TAFA1: variants seen among roughly 807,000 people sequenced by gnomAD.
The protein encoded by TAFA1 is TAFA chemokine like family member 1.
A neutral mutation model predicts 18.5 loss-of-function variants in TAFA1; 4 were observed. The observed-to-expected ratio is 0.22, with a 90% CI of 0.11 to 0.49. The LOEUF is 0.49. TAFA1 is among the 20% of genes least tolerant of loss of function. The pLI, the probability that TAFA1 is intolerant of heterozygous loss-of-function variation, is 0.98. For missense variants in TAFA1, 147 were observed against 169.0 expected (o/e 0.87, Z 0.72); for synonymous variants, 56 against 55.2 (o/e 1.01, Z -0.06).
intron 2 of TAFA1, among the ~76,000 whole-genome samples, chr3:68,340,775 G>T (rs1052403066): frequency 9.7e-4 from 148 of 152,164 alleles, no homozygotes; most frequent in African/African-American, 3.5e-3. Flanking sequence ...TGTCTTACAT[G>T]TTGGGATGGA....
At chr3:68,533,302 A>G (rs968116521) in intron 3 of TAFA1, among the ~76,000 whole-genome samples, 2 of 152,036 alleles carry the variant, frequency 1.3e-5, no homozygotes, top group Non-Finnish European at 1.5e-5. Context: ...GCTGGACAAG[A>G]AAGAATGAGA....
chr3:68,495,998 CAAAAAAAAAAAAAAAAAA>C (rs199520960), intron 3 of TAFA1, among the ~76,000 whole-genome samples: 5 of 107,538 alleles, frequency 4.6e-5, no homozygotes, highest in Non-Finnish European at 7.3e-5. Context: ...TTCCCTGAAG[CAAAAAAAAAAAAAAAAAA>C]AAAAAAAAAA....
intron 2 of TAFA1, among the ~76,000 whole-genome samples, chr3:68,370,991 C>T (rs1419070140): frequency 2.6e-5 from 4 of 151,758 alleles, no homozygotes; most frequent in Non-Finnish European, 4.4e-5. Context: ...ATTGAACTAC[C>T]GTAATAATCT....
intron 3 of TAFA1, among the ~76,000 whole-genome samples, chr3:68,524,351 A>G (rs1033976175): frequency 6.6e-6 from 1 of 152,078 alleles, no homozygotes; most frequent in African/African-American, 2.4e-5. Flanking sequence ...AAATCATATA[A>G]CCAAACCCAG....
intron 3 of TAFA1, among the ~76,000 whole-genome samples, chr3:68,468,167 T>C (rs1022462652): frequency 1.3e-5 from 2 of 152,194 alleles, no homozygotes; most frequent in East Asian, 1.9e-4. Context: ...TTTGAACTTT[T>C]TGACTATTTT....
At chr3:67,994,946 A>G in the TAFA1 span, among the ~76,000 whole-genome samples, 1 of 152,178 alleles carries the variant, frequency 6.6e-6, no homozygotes, top group Non-Finnish European at 1.5e-5. Flanking sequence ...ATAAGTGAAA[A>G]TCAGGAAGGA....
At chr3:68,292,985 A>C (rs551925901) in intron 2 of TAFA1, among the ~76,000 whole-genome samples, 1 of 152,320 alleles carries the variant, frequency 6.6e-6, no homozygotes, top group African/African-American at 2.4e-5. Context: ...ATGAATTCTC[A>C]AAAGCTACGT....
At chr3:68,177,764 G>T (rs1348975628) in intron 2 of TAFA1, among the ~76,000 whole-genome samples, 1 of 152,138 alleles carries the variant, frequency 6.6e-6, no homozygotes, top group Non-Finnish European at 1.5e-5. Context: ...TTGGGCAAAT[G>T]ACTTAATACC....
At chr3:68,475,015 A>C (rs1454964670) in intron 3 of TAFA1, among the ~76,000 whole-genome samples, 17 of 152,134 alleles carry the variant, frequency 1.1e-4, no homozygotes, top group Non-Finnish European at 2.2e-4. Flanking sequence ...CTTCTTTATC[A>C]AAGAAGCTCT....
At chr3:68,002,892 C>T (rs1704299587), upstream of TAFA1, among the ~76,000 whole-genome samples, 1 of 152,152 alleles carries the variant, frequency 6.6e-6, no homozygotes, top group South Asian at 2.1e-4. Flanking sequence ...TTAGACTTTA[C>T]AAGACATACT....
chr3:68,519,098 A>G (rs780659866), intron 3 of TAFA1, among the ~76,000 whole-genome samples: 1 of 152,238 alleles, frequency 6.6e-6, no homozygotes, highest in African/African-American at 2.4e-5. Flanking sequence ...GAATATTGCT[A>G]CTGTGGTCTG....
intron 2 of TAFA1, among the ~76,000 whole-genome samples, chr3:68,249,785 T>G (rs1287169181): frequency 3.3e-5 from 5 of 152,086 alleles, no homozygotes; most frequent in Non-Finnish European, 7.4e-5. Flanking sequence ...CTGCTAAAAG[T>G]AGAGAAGGCA....
intron 2 of TAFA1, among the ~76,000 whole-genome samples, chr3:68,364,371 T>C (rs1261143252): frequency 6.6e-6 from 1 of 152,294 alleles, no homozygotes; most frequent in South Asian, 2.1e-4. Flanking sequence ...TTAATGGCAG[T>C]TATTATTTAC....
At chr3:67,992,141 C>T in the TAFA1 span, among the ~76,000 whole-genome samples, 4 of 152,170 alleles carry the variant, frequency 2.6e-5, no homozygotes, top group Non-Finnish European at 5.9e-5. Flanking sequence ...TGGTCCCTTC[C>T]CCCAGTGAGG....
chr3:68,527,028 C>T (rs1487742700), intron 3 of TAFA1, among the ~76,000 whole-genome samples: 1 of 152,096 alleles, frequency 6.6e-6, no homozygotes, highest in East Asian at 1.9e-4. Context: ...TACAGTAAGA[C>T]ATGTATTTAA....
chr3:68,412,418 G>A (rs754526742), intron 2 of TAFA1, among the ~76,000 whole-genome samples: 13 of 151,554 alleles, frequency 8.6e-5, no homozygotes, highest in Non-Finnish European at 1.8e-4. Context: ...GGGTATATGT[G>A]CACAACGTGC....
At chr3:68,194,993 G>A (rs1361409089) in intron 2 of TAFA1, among the ~76,000 whole-genome samples, 1 of 151,542 alleles carries the variant, frequency 6.6e-6, no homozygotes, top group Non-Finnish European at 1.5e-5. Flanking sequence ...TTAATTTCCT[G>A]TAATCCTGTT....
chr3:68,318,139 T>C (rs113391548), intron 2 of TAFA1, among the ~76,000 whole-genome samples: 16 of 152,280 alleles, frequency 1.1e-4, no homozygotes, highest in Admixed American at 7.2e-4. Context: ...GTCAGTAAGA[T>C]AGAAATTTAC....
chr3:68,349,907 A>G (rs1429424124), intron 2 of TAFA1, among the ~76,000 whole-genome samples: 1 of 152,074 alleles, frequency 6.6e-6, no homozygotes, highest in African/African-American at 2.4e-5. Flanking sequence ...AATTAACAAC[A>G]GTTCTTTTTT....
Sources: allele counts gnomAD v4.1 joint callset (sites outside exome capture counted in the v4.1 genomes callset), GRCh38; gene constraint gnomAD v4.1.1; transcripts MANE v1.5; gene names NCBI Gene and HGNC (gene_info 2026-07-23, HGNC 2026-07-21).